Variants in PARD3B observed in about 807,000 individuals in gnomAD.
PARD3B encodes the protein par-3 family cell polarity regulator beta.
In PARD3B, 103 loss-of-function variants were observed where a neutral mutation model predicts 130.2. That is an observed-to-expected ratio of 0.79 (90% CI 0.67 to 0.93). The LOEUF is 0.93. Ranked by LOEUF, PARD3B falls within the 40% of genes least tolerant of loss-of-function variation. The pLI is 0.00. For synonymous variants in PARD3B, 583 were observed against 553.2 expected (o/e 1.05, Z -0.76); for missense variants, 1,609 against 1,499.2 (o/e 1.07, Z -1.21).
rs560583486 is a variant in PARD3B, at chr2:205,619,729, T to C, written c.*3916T>C. On this transcript the variant is annotated 3_prime_UTR_variant, in exon 23 of 23. Coordinates refer to ENST00000406610, the MANE Select transcript of PARD3B (RefSeq NM_001302769.2). ...CAGCTGTGACTTCTAAGTGAAACTC[T>C]TTTCTCCCTCATGTCCTTAAATAGT... The C allele has an allele frequency of 6.6e-6, 1 of 152,310 alleles. No homozygotes were observed. The highest frequency in any genetic ancestry group is 1.9e-4 in the East Asian group (1 of 5,184). The allele number at this position is 152,310 out of a possible 1,614,324, so 9.4% of individuals were successfully genotyped here.
intron 1 of PARD3B, among the ~76,000 whole-genome samples, chr2:204,666,123 A>G (rs1314303960): frequency 2.0e-5 from 3 of 152,164 alleles, no homozygotes; most frequent in Admixed American, 6.5e-5. Context: ...TGGGCTCTCA[A>G]GTGGGGGAGT....
In PARD3B at chr2:205,447,187, G is replaced by A. The variant is rs549618671; in HGVS notation, c.3044+6515G>A. Among the ~76,000 whole-genome samples the A allele has an allele frequency of 1.8e-3, 273 of 152,280 alleles. 1 individual carries two copies. The highest frequency in any genetic ancestry group is 6.3e-3 in the African/African-American group (261 of 41,552). On this transcript the variant is annotated intron_variant, in intron 20 of 22. Coordinates refer to ENST00000406610, the MANE Select transcript of PARD3B (RefSeq NM_001302769.2). Reference sequence around the variant, plus strand: ...GAGACTTTAACAAATTGTAACATGAGTAGTGGTTCTGATATTTTCTTCCTC... The same window carrying A: ...GAGACTTTAACAAATTGTAACATGAATAGTGGTTCTGATATTTTCTTCCTC...
intron 15 of PARD3B, among the ~76,000 whole-genome samples, chr2:205,231,738 G>A (rs752296273): frequency 1.3e-5 from 2 of 152,172 alleles, no homozygotes; most frequent in Non-Finnish European, 2.9e-5. Context: ...TCTAAGAAAT[G>A]GAGCTATGAG....
intron 18 of PARD3B, among the ~76,000 whole-genome samples, chr2:205,380,347 A>T (rs185657266): frequency 5.2e-3 from 84 of 16,132 alleles, no homozygotes; most frequent in Non-Finnish European, 6.2e-3. Context: ...AAGAATATAT[A>T]ATATATAATA....
intron 2 of PARD3B, among the ~76,000 whole-genome samples, chr2:204,822,881 A>G (rs114517944): frequency 0.022 from 3,392 of 152,270 alleles, 58 homozygotes; most frequent in Non-Finnish European, 0.037. Context: ...TTTAAGGTAA[A>G]AGTATTGATT....
Position 205,325,171 on chromosome 2 carries a change from A to G in PARD3B, c.2630+23470A>G, listed in dbSNP as rs2042896285. ...TACTGCCCATCTGATCTTCACAAAC[A>G]TATATTTGATCTTCTACCAAAATTT... On this transcript the variant is annotated intron_variant, in intron 18 of 22. Coordinates refer to ENST00000406610, the MANE Select transcript of PARD3B (RefSeq NM_001302769.2). The surrounding 1 kb of genome is among the most constrained non-coding windows in gnomAD (Gnocchi z 4.1). 6.6e-6 allele frequency among the ~76,000 whole-genome samples: 1 copy of G among 152,160 alleles called. No homozygotes were observed. The highest frequency in any genetic ancestry group is 2.4e-5 in the African/African-American group (1 of 41,444).
At chr2:205,348,649 T>C (rs1198418223) in intron 18 of PARD3B, among the ~76,000 whole-genome samples, 1 of 152,210 alleles carries the variant, frequency 6.6e-6, no homozygotes. Flanking sequence ...TTTGCCCCTT[T>C]GGAAATGGTT....
chr2:204,876,365 G>C (rs1575188702), intron 2 of PARD3B, among the ~76,000 whole-genome samples: 1 of 152,108 alleles, frequency 6.6e-6, no homozygotes. Context: ...TGGCTAGAAA[G>C]GACATTTTTG....
At chr2:204,704,705 A>G (rs773139297) in intron 2 of PARD3B, among the ~76,000 whole-genome samples, 21 of 152,158 alleles carry the variant, frequency 1.4e-4, no homozygotes, top group African/African-American at 3.6e-4. Context: ...CTTCATTTGA[A>G]TGCTACATAA....
At chr2:205,127,858 G>A (rs2031614083) in intron 10 of PARD3B, among the ~76,000 whole-genome samples, 1 of 152,178 alleles carries the variant, frequency 6.6e-6, no homozygotes, top group African/African-American at 2.4e-5. Flanking sequence ...ACACTTTCTA[G>A]AGAAATGATG....
At chr2:205,218,221 T>C (rs946422543) in intron 15 of PARD3B, among the ~76,000 whole-genome samples, 2 of 152,056 alleles carry the variant, frequency 1.3e-5, no homozygotes, top group Admixed American at 6.6e-5. Flanking sequence ...TCCTAAATTG[T>C]TGAAGCAATT....
At chr2:205,112,754 C>A (rs1190584906) in intron 5 of PARD3B, among the ~76,000 whole-genome samples, 2 of 152,108 alleles carry the variant, frequency 1.3e-5, no homozygotes, top group Non-Finnish European at 2.9e-5. Context: ...TACACACAAT[C>A]CATTAATGTT....
intron 15 of PARD3B, 119 bp from the exon 16 acceptor site, chr2:205,245,659 T>TC (rs1312355831): frequency 2.6e-6 from 2 of 755,274 alleles, no homozygotes; most frequent in Non-Finnish European, 4.2e-6. Flanking sequence ...AAAAAATGTT[T>TC]CTCAAATCTC....
chr2:205,048,699 G>T (rs977655902), intron 4 of PARD3B: 3 of 152,146 alleles, frequency 2.0e-5, no homozygotes, highest in Admixed American at 2.0e-4. Flanking sequence ...AAGAACCAAT[G>T]TCAATGTGTA....
chr2:204,824,427 T>C (rs921919034), intron 2 of PARD3B, among the ~76,000 whole-genome samples: 2 of 152,184 alleles, frequency 1.3e-5, no homozygotes, highest in Non-Finnish European at 2.9e-5. Context: ...TCTTCTTGCT[T>C]CTTTAGGAAT....
At chr2:205,417,551 G>T (rs2046822924) in intron 19 of PARD3B, among the ~76,000 whole-genome samples, 1 of 152,172 alleles carries the variant, frequency 6.6e-6, no homozygotes, top group Non-Finnish European at 1.5e-5. Context: ...CACCAACAGT[G>T]TAAAAGCTGA....
intron 2 of PARD3B, among the ~76,000 whole-genome samples, chr2:204,791,098 C>CT (rs2125475547): frequency 7.3e-6 from 1 of 136,394 alleles, no homozygotes; most frequent in Admixed American, 8.0e-5. Context: ...GATCTAGACT[C>CT]TGTCTCAAAA....
chr2:205,219,529 A>C (rs994078560), intron 15 of PARD3B, among the ~76,000 whole-genome samples: 1 of 152,250 alleles, frequency 6.6e-6, no homozygotes, highest in Non-Finnish European at 1.5e-5. Flanking sequence ...GCAGAAATAT[A>C]GACAGTATTA....
chr2:205,184,232 A>G (rs976279517), intron 13 of PARD3B, among the ~76,000 whole-genome samples: 23 of 152,150 alleles, frequency 1.5e-4, no homozygotes, highest in African/African-American at 4.6e-4. Flanking sequence ...AAAATTAACC[A>G]TCATATCCAG....
Sources: allele counts gnomAD v4.1 joint callset (sites outside exome capture counted in the v4.1 genomes callset), GRCh38; gene constraint gnomAD v4.1.1; non-coding constraint Gnocchi (gnomAD v3.1); transcripts MANE v1.5; gene names NCBI Gene and HGNC (gene_info 2026-07-23, HGNC 2026-07-21).